Variants in RHCG observed in about 807,000 individuals in gnomAD.
RHCG encodes the protein ammonium transporter Rh type C.
A neutral mutation model predicts 55.3 loss-of-function variants in RHCG; 39 were observed. The ratio of observed to expected loss-of-function variants is 0.70; its 90% CI spans 0.55 to 0.92. The LOEUF is 0.92. Among genes scored for constraint, RHCG ranks in the 40% least tolerant of loss-of-function variants. RHCG has a pLI of 0.00. For missense variants in RHCG, 635 were observed against 627.9 expected, an observed-to-expected ratio of 1.01 and a Z score of -0.12; for synonymous variants, 250 against 246.8, an observed-to-expected ratio of 1.01 and a Z score of -0.12.
At chr15:89,495,162 A>C (rs1550373) in intron 1 of RHCG, among the ~76,000 whole-genome samples, 1 of 152,192 alleles carries the variant, frequency 6.6e-6, no homozygotes, top group Non-Finnish European at 1.5e-5. Flanking sequence ...CTAGGCACCA[A>C]GTAACTATTA....
chr15:89,476,603 A>G, intron 9 of RHCG, 152 bp downstream of exon 9: 1 of 652,716 alleles, frequency 1.5e-6, no homozygotes, highest in Non-Finnish European at 2.7e-6. Flanking sequence ...CCTCCATGAG[A>G]CACAGCCTCC....
rs1302196670 is a variant in RHCG, at chr15:89,480,262, A to G, written c.669T>C (p.Ile223=). The change falls in exon 4 of 11, where the codon ATT becomes ATC. Residue 223 remains isoleucine, a splice_region_variant and synonymous_variant. Transcript: ENST00000268122. ...SVYQSDLFAM[I]GTLFLWMYWP... ...CTCGGTCATGATGGCAGTTCTCACC[A>G]ATCATGGCAAAGAGGTCCGACTGGT... is the stretch of plus-strand genomic sequence containing the variant. 6 of 1,613,914 alleles carry G rather than the reference A, an allele frequency of 3.7e-6. No individual in the cohort carries two copies. Among genetic ancestry groups the G allele is most frequent in the Non-Finnish European group, 5.1e-6 (6 of 1,179,926 alleles).
intron 9 of RHCG, among the ~76,000 whole-genome samples, chr15:89,475,729 C>T (rs898324195): frequency 6.6e-6 from 1 of 152,138 alleles, no homozygotes; most frequent in Non-Finnish European, 1.5e-5. Context: ...CCCGAGGAAG[C>T]TTTAAAAAAA....
At chr15:89,489,307 A>G (rs1308073166) in intron 1 of RHCG, among the ~76,000 whole-genome samples, 2 of 151,692 alleles carry the variant, frequency 1.3e-5, no homozygotes, top group African/African-American at 4.9e-5. Flanking sequence ...AACTTTTAGT[A>G]GAGACAGGAT....
At chr15:89,482,976 C>G (rs1477941512) in intron 3 of RHCG, 91 bp downstream of exon 3, 13 of 1,288,578 alleles carry the variant, frequency 1.0e-5, no homozygotes, top group Non-Finnish European at 1.4e-5. Context: ...ACTCGCCAGG[C>G]TGGCATGTCT....
Position 89,476,803 on chromosome 15 carries a change from C to T in RHCG, c.1263G>A (p.Trp421Ter), listed in dbSNP as rs752662969. ...IVGLILRLPFWGQPSDENCFE... is the reference protein window; with the variant it reads ...IVGLILRLPF The stretch of plus-strand genomic sequence containing the variant: ...AGCAGTTCTCATCTGAAGGTTGTCC[C>T]CAGAATGGTAATCTCAAAATGAGCC... Residue 421 changes from tryptophan to a stop codon, truncating the protein, a stop_gained, in exon 9 of 11, where the codon TGG (tryptophan) becomes TGA (stop). Coordinates refer to ENST00000268122, the MANE Select transcript of RHCG (RefSeq NM_016321.3). LOFTEE classifies it high-confidence loss of function. 2 of 1,614,122 alleles carry T rather than the reference C, an allele frequency of 1.2e-6. No homozygotes were observed. Among genetic ancestry groups the T allele is most frequent in the East Asian group, 2.2e-5 (1 of 44,884 alleles).
intron 9 of RHCG, among the ~76,000 whole-genome samples, chr15:89,475,160 TCCTG>T (rs1357331378): frequency 2.7e-4 from 41 of 149,764 alleles, no homozygotes; most frequent in African/African-American, 5.7e-4. Flanking sequence ...CTTCCTTCCT[TCCTG>T]CCTGCCTGCC....
intron 3 of RHCG, among the ~76,000 whole-genome samples, chr15:89,482,054 G>A (rs207475687): frequency 2.0e-5 from 3 of 152,014 alleles, no homozygotes; most frequent in Non-Finnish European, 2.9e-5. Flanking sequence ...TGCCTGCCTC[G>A]GCCTCCCAAA....
chr15:89,493,938 G>T (rs907263745), intron 1 of RHCG, among the ~76,000 whole-genome samples: 11 of 152,070 alleles, frequency 7.2e-5, no homozygotes, highest in South Asian at 2.1e-4. Context: ...GGTTGGAGGG[G>T]TGGCCACTAC....
chr15:89,473,772 C>T (rs543091417), intron 9 of RHCG, among the ~76,000 whole-genome samples: 7 of 152,120 alleles, frequency 4.6e-5, no homozygotes, highest in East Asian at 1.9e-4. Flanking sequence ...ACTTGAGCAT[C>T]CCCGCAAGAG....
At chr15:89,481,632 T>TAAGACGGGGAGAGAGTAGACAAC (rs1227367850) in intron 3 of RHCG, among the ~76,000 whole-genome samples, 6 of 151,580 alleles carry the variant, frequency 4.0e-5, no homozygotes, top group Non-Finnish European at 5.9e-5. Flanking sequence ...GAGTAGACAA[T>TAAGACGGGGAGAGAGTAGACAAC]AAGATGGGGA....
intron 1 of RHCG, among the ~76,000 whole-genome samples, chr15:89,492,576 A>T (rs1025146241): frequency 1.3e-4 from 20 of 152,208 alleles, no homozygotes; most frequent in African/African-American, 4.8e-4. Context: ...CCTGGAAAGC[A>T]GGTAGGCCCT....
intron 1 of RHCG, among the ~76,000 whole-genome samples, chr15:89,496,088 G>C (rs1332948501): frequency 6.6e-6 from 1 of 152,324 alleles, no homozygotes; most frequent in Middle Eastern, 3.4e-3. Flanking sequence ...ACCAAGCAGG[G>C]CTCTCTGACA....
At chr15:89,486,596 G>GT in intron 2 of RHCG, 1 of 456,580 alleles carries the variant, frequency 2.2e-6, no homozygotes, top group East Asian at 4.8e-5. Flanking sequence ...GAGAGAGAGA[G>GT]AGAGTGTGTG....
chr15:89,493,977 C>T (rs1205831440), intron 1 of RHCG, among the ~76,000 whole-genome samples: 1 of 152,098 alleles, frequency 6.6e-6, no homozygotes, highest in Non-Finnish European at 1.5e-5. Context: ...CCCTATACCC[C>T]TCTCCTCTGT....
intron 9 of RHCG, among the ~76,000 whole-genome samples, chr15:89,474,820 G>T (rs868582717): frequency 3.4e-4 from 23 of 67,898 alleles, no homozygotes; most frequent in African/African-American, 7.8e-4. Flanking sequence ...CTTCCTGCCT[G>T]CCTTCCTTCC....
rs1449018069 is a variant in RHCG at position 89,475,188 on chromosome 15, GCCTTCCTTCCTTCTTT to G, written c.1311+1551_1311+1566del. On this transcript the variant is annotated intron_variant, in intron 9 of 10. Transcript: ENST00000268122. ...TGCCTGCCTGCCTTCCTGCCTGCCT[GCCTTCCTTCCTTCTTT>G]CCTTCCTTCCTTCCTTTTTCCTTCT... Among the ~76,000 whole-genome samples, 11 of 139,432 alleles carry G rather than the reference GCCTTCCTTCCTTCTTT, an allele frequency of 7.9e-5. No individual in the cohort carries two copies. In the East Asian group the frequency reaches 1.9e-3, roughly 24 times the overall value. 91.5% of individuals were successfully genotyped at this position (139,432 alleles called of 152,430 possible). A position where few individuals can be genotyped will look rare whatever the true frequency, so the allele number is the denominator to read the frequency against.
At chr15:89,486,159 G>A (rs1418902987) in intron 2 of RHCG, 2 of 421,448 alleles carry the variant, frequency 4.7e-6, no homozygotes, top group African/African-American at 4.1e-5. Context: ...AGCTGAGGAG[G>A]GGGCAGGGCT....
intron 1 of RHCG, among the ~76,000 whole-genome samples, chr15:89,488,773 TG>T (rs111712825): frequency 0.48 from 54,976 of 113,692 alleles, 10,327 homozygotes; most frequent in Admixed American, 0.51. Context: ...GCTGGGAGAA[TG>T]GGGGGGGGGG....
Sources: allele counts gnomAD v4.1 joint callset (sites outside exome capture counted in the v4.1 genomes callset), GRCh38; gene constraint gnomAD v4.1.1; transcripts MANE v1.5; gene names NCBI Gene and HGNC (gene_info 2026-07-23, HGNC 2026-07-21).